TBCK: variants seen among roughly 807,000 people sequenced by gnomAD.
TBCK encodes the protein TBC1 domain containing kinase, also known as TBC domain-containing protein kinase-like protein.
TBCK carries 99 observed loss-of-function variants against 113.4 expected under a neutral mutation model. The ratio of observed to expected loss-of-function variants is 0.87; its 90% CI spans 0.74 to 1.03. The LOEUF (loss-of-function observed/expected upper bound fraction) is 1.03. TBCK is among the 50% of genes least tolerant of loss of function. The pLI is 0.00. For synonymous variants in TBCK, 369 were observed against 370.8 expected (o/e 1.00, Z 0.05); for missense variants, 1,045 against 1,061.3 (o/e 0.98, Z 0.21).
intron 25 of TBCK, among the ~76,000 whole-genome samples, chr4:106,047,101 T>C (rs1445374380): frequency 6.6e-6 from 1 of 152,146 alleles, no homozygotes; most frequent in Non-Finnish European, 1.5e-5. Flanking sequence ...TGAAAAAATT[T>C]TGATATTATG....
intron 25 of TBCK, among the ~76,000 whole-genome samples, chr4:106,046,914 T>G (rs559398561): frequency 1.3e-5 from 2 of 152,314 alleles, no homozygotes; most frequent in South Asian, 4.1e-4. Flanking sequence ...CTTTTATGAT[T>G]TTTTTGAATA....
intron 19 of TBCK, among the ~76,000 whole-genome samples, chr4:106,229,670 T>A (rs1579323716): frequency 6.6e-6 from 1 of 152,202 alleles, no homozygotes; most frequent in South Asian, 2.1e-4. Flanking sequence ...TGAAGTCAGA[T>A]AATGTGATTC....
At chr4:106,316,595 G>T, upstream of TBCK, 2 of 1,551,440 alleles carry the variant, frequency 1.3e-6, no homozygotes, top group Non-Finnish European at 1.7e-6. Context: ...TCCGCTTCAT[G>T]TGAGTGACGT....
chr4:106,212,715 T>C (rs756278293), intron 20 of TBCK, 35 bp downstream of exon 20: 1 of 1,427,530 alleles, frequency 7.0e-7, no homozygotes, highest in South Asian at 1.2e-5. Flanking sequence ...TTTTTTTTTT[T>C]AACCACATGT....
intron 22 of TBCK, among the ~76,000 whole-genome samples, chr4:106,186,377 G>A (rs1753027846): frequency 1.3e-5 from 2 of 151,968 alleles, no homozygotes; most frequent in African/African-American, 4.8e-5. Flanking sequence ...CCTTTTCCTT[G>A]CAACATCACC....
intron 2 of TBCK, among the ~76,000 whole-genome samples, chr4:106,306,314 G>C (rs1767520370): frequency 1.4e-5 from 2 of 145,664 alleles, no homozygotes; most frequent in African/African-American, 5.1e-5. Context: ...CAAACTCCTG[G>C]CCTCAAGCAA....
At chr4:106,235,199 G>T in intron 15 of TBCK, 70 bp downstream of exon 15, 8 of 947,488 alleles carry the variant, frequency 8.4e-6, no homozygotes, top group East Asian at 5.7e-5. Flanking sequence ...TATATATTTG[G>T]AAAGCACTCT....
intron 25 of TBCK, among the ~76,000 whole-genome samples, chr4:106,065,555 G>A (rs1376733244): frequency 1.3e-5 from 2 of 151,956 alleles, no homozygotes; most frequent in African/African-American, 2.4e-5. Flanking sequence ...TGTTTGGCTT[G>A]TCAAATTAAA....
intron 5 of TBCK, among the ~76,000 whole-genome samples, chr4:106,254,246 C>A (rs1761743420): frequency 6.6e-6 from 1 of 152,148 alleles, no homozygotes; most frequent in Admixed American, 6.5e-5. Flanking sequence ...CAGCATAAAC[C>A]ACTTTGGTTG....
At chr4:106,216,400 A>G (rs1183356571) in intron 19 of TBCK, among the ~76,000 whole-genome samples, 2 of 152,122 alleles carry the variant, frequency 1.3e-5, no homozygotes, top group South Asian at 2.1e-4. Context: ...GACACAAAAA[A>G]CCCTTCAAAA....
At chr4:106,155,806 C>CT (rs1436320828) in intron 23 of TBCK, among the ~76,000 whole-genome samples, 1 of 152,056 alleles carries the variant, frequency 6.6e-6, no homozygotes, top group Non-Finnish European at 1.5e-5. Flanking sequence ...TCTTGAATTT[C>CT]TTTGAGTTTC....
intron 11 of TBCK, among the ~76,000 whole-genome samples, chr4:106,243,461 C>G (rs1232419740): frequency 6.6e-6 from 1 of 152,002 alleles, no homozygotes; most frequent in East Asian, 1.9e-4. Flanking sequence ...ATCCTTTAAA[C>G]CATTTCTTCT....
chr4:106,240,481 C>T (rs1486702950), intron 12 of TBCK, among the ~76,000 whole-genome samples: 1 of 151,838 alleles, frequency 6.6e-6, no homozygotes, highest in East Asian at 1.9e-4. Flanking sequence ...GCAATGTTGC[C>T]TGACACAAAA....
chr4:106,129,077 T>C (rs1400787344), intron 23 of TBCK, among the ~76,000 whole-genome samples: 1 of 152,220 alleles, frequency 6.6e-6, no homozygotes, highest in Non-Finnish European at 1.5e-5. Context: ...ACTTGTTAAC[T>C]GGAAGAAAGT....
chr4:106,096,480 A>G (rs1740919395), intron 24 of TBCK, among the ~76,000 whole-genome samples: 2 of 152,322 alleles, frequency 1.3e-5, no homozygotes, highest in South Asian at 2.1e-4. Context: ...TTCAACTATG[A>G]ACATCTTTCC....
chr4:106,170,387 T>A (rs933558151), intron 23 of TBCK, among the ~76,000 whole-genome samples: 13 of 152,106 alleles, frequency 8.5e-5, no homozygotes, highest in Non-Finnish European at 1.8e-4. Flanking sequence ...AGGCAGAGAT[T>A]GTAATTATTG....
intron 2 of TBCK, among the ~76,000 whole-genome samples, chr4:106,305,886 C>G (rs368886432): frequency 1.2e-4 from 19 of 152,192 alleles, no homozygotes; most frequent in Non-Finnish European, 2.6e-4. Flanking sequence ...TGACCTTATA[C>G]GGTCTGAAAA....
chr4:106,121,600 C>T (rs1015491547), intron 23 of TBCK, among the ~76,000 whole-genome samples: 4 of 151,868 alleles, frequency 2.6e-5, no homozygotes, highest in Admixed American at 6.6e-5. Flanking sequence ...CACACCTATT[C>T]CAAAATTGAC....
chr4:106,213,520 G>A (rs538546653), intron 19 of TBCK: 77 of 156,334 alleles, frequency 4.9e-4, no homozygotes, highest in African/African-American at 1.8e-3. Context: ...CGCACCGTGC[G>A]CGAGCCAAAG....
Sources: allele counts gnomAD v4.1 joint callset (sites outside exome capture counted in the v4.1 genomes callset), GRCh38; gene constraint gnomAD v4.1.1; transcripts MANE v1.5; gene names NCBI Gene and HGNC (gene_info 2026-07-23, HGNC 2026-07-21).